Variants in CTNNA3 observed in about 807,000 individuals in gnomAD.
The protein encoded by CTNNA3 is catenin alpha-3.
CTNNA3 carries 76 observed loss-of-function variants against 95.7 expected under a neutral mutation model. That is an observed-to-expected ratio of 0.79 (90% CI 0.66 to 0.96). The LOEUF (loss-of-function observed/expected upper bound fraction) is 0.96. Among genes scored for constraint, CTNNA3 ranks in the 40% least tolerant of loss-of-function variants. The pLI is 0.00. For missense variants in CTNNA3, 1,191 were observed against 1,089.8 expected (o/e 1.09, Z -1.31); for synonymous variants, 431 against 374.4 (o/e 1.15, Z -1.74).
chr10:67,620,045 T>C lies in CTNNA3; in HGVS notation c.100-12996A>G, dbSNP rs372136486. On this transcript the variant is annotated intron_variant, in intron 2 of 17. Coordinates refer to ENST00000433211, the MANE Select transcript of CTNNA3 (RefSeq NM_013266.4). The stretch of plus-strand genomic sequence containing the variant: ...ATGTTGAAAAGCAGTGGGCCTGCCC[T>C]GAGTTCACCATGGTGAAGAGCCAAG... Among the ~76,000 whole-genome samples, 28 of 151,916 alleles carry C rather than the reference T, an allele frequency of 1.8e-4. No homozygotes were observed. The East Asian group carries it at 2.5e-3, about 14-fold the overall frequency.
intron 7 of CTNNA3, among the ~76,000 whole-genome samples, chr10:67,102,569 T>C (rs1453197613): frequency 6.6e-6 from 1 of 151,838 alleles, no homozygotes; most frequent in Non-Finnish European, 1.5e-5. Flanking sequence ...ACTAAGTTTC[T>C]TCCTCCTAGC....
chr10:66,360,015 G>T (rs1377743800), intron 12 of CTNNA3, among the ~76,000 whole-genome samples: 1 of 151,772 alleles, frequency 6.6e-6, no homozygotes, highest in East Asian at 1.9e-4. Flanking sequence ...TTTTAGTAGA[G>T]ACGGGGTTTC....
intron 13 of CTNNA3, among the ~76,000 whole-genome samples, chr10:66,153,181 AT>A: frequency 6.6e-6 from 1 of 151,894 alleles, no homozygotes; most frequent in Non-Finnish European, 1.5e-5. Context: ...CTTTTAAAAT[AT>A]TTTCAATTTC....
intron 3 of CTNNA3, among the ~76,000 whole-genome samples, chr10:67,556,220 T>C (rs955872419): frequency 1.3e-5 from 2 of 152,140 alleles, no homozygotes; most frequent in African/African-American, 4.8e-5. Flanking sequence ...ATCCTCTTTT[T>C]TTGTTGTGTC....
chr10:66,758,814 A>G (rs1448267627), intron 9 of CTNNA3, among the ~76,000 whole-genome samples: 1 of 152,096 alleles, frequency 6.6e-6, no homozygotes, highest in African/African-American at 2.4e-5. Context: ...AGGCACCTGT[A>G]ATCCCAGCTA....
rs570905786 is a variant in CTNNA3, at chr10:67,055,780, A to G, written c.1047+124537T>C. On this transcript the variant is annotated intron_variant, in intron 7 of 17. Coordinates refer to ENST00000433211, the MANE Select transcript of CTNNA3 (RefSeq NM_013266.4). ...GAAAGATGTACCTCAAAGGTTCTTA[A>G]AAGCCATAAGGATATCAGGGGTGTC... 4.6e-5 allele frequency among the ~76,000 whole-genome samples: 7 copies of G among 152,244 alleles called. No homozygotes were observed. In the East Asian group the frequency reaches 9.7e-4, roughly 21 times the overall value.
At chr10:66,048,114 GA>G (rs1050026413) in intron 15 of CTNNA3, among the ~76,000 whole-genome samples, 4 of 151,704 alleles carry the variant, frequency 2.6e-5, no homozygotes, top group African/African-American at 4.8e-5. Flanking sequence ...CACAGAACTA[GA>G]AAAAAAACTA....
Position 67,304,111 on chromosome 10 carries a change from C to A in CTNNA3, c.580-84241G>T, listed in dbSNP as rs556823581. Among the ~76,000 whole-genome samples, 9 of 152,280 alleles carry A rather than the reference C, an allele frequency of 5.9e-5. No homozygotes were observed. In the South Asian group the frequency reaches 1.7e-3, roughly 28 times the overall value. ...ATTGCCTTGATGCTTGAGATGTAAA[C>A]ATATATAATGTGGAGTTGGGCAAAA... On this transcript the variant is annotated intron_variant, in intron 5 of 17. Transcript: ENST00000433211.
chr10:65,922,806 C>G (rs1303254480), intron 17 of CTNNA3, among the ~76,000 whole-genome samples: 2 of 152,118 alleles, frequency 1.3e-5, no homozygotes, highest in Non-Finnish European at 2.9e-5. Flanking sequence ...CTACCCGAGA[C>G]TGGGTTATTT....
At chr10:66,395,716 A>G (rs1371733382) in intron 11 of CTNNA3, among the ~76,000 whole-genome samples, 2 of 152,050 alleles carry the variant, frequency 1.3e-5, no homozygotes, top group Non-Finnish European at 1.5e-5. Flanking sequence ...GTAACCTCTG[A>G]ACAAGATCCC....
intron 5 of CTNNA3, among the ~76,000 whole-genome samples, chr10:67,297,628 A>G (rs539014957): frequency 9.2e-5 from 14 of 152,254 alleles, no homozygotes; most frequent in Non-Finnish European, 1.6e-4. Context: ...GCAGAGAAAT[A>G]GTAGAATCAA....
chr10:67,353,091 G>A (rs1050698880), intron 5 of CTNNA3, among the ~76,000 whole-genome samples: 22 of 151,952 alleles, frequency 1.4e-4, no homozygotes, highest in African/African-American at 4.1e-4. Context: ...TCCTGCTTCC[G>A]CCACTTACTA....
intron 9 of CTNNA3, among the ~76,000 whole-genome samples, chr10:66,711,694 G>A (rs1219124562): frequency 3.9e-5 from 6 of 151,990 alleles, no homozygotes; most frequent in Admixed American, 2.6e-4. Context: ...GATTATAGGC[G>A]TGTGCCACCA....
At position 66,335,612 on chromosome 10, in the gene CTNNA3, C is replaced by T. The variant is rs184238597; in HGVS notation, c.1732+43540G>A. ...GGAAGTTTTGTCCCAGAGGAGTACCCGGCCATGTGAAGTGTCAGTCTGCCC... is the reference window on the plus strand; with the variant it reads ...GGAAGTTTTGTCCCAGAGGAGTACCTGGCCATGTGAAGTGTCAGTCTGCCC... On this transcript the variant is annotated intron_variant, in intron 12 of 17. Transcript: ENST00000433211. Among the ~76,000 whole-genome samples, 8 of 152,010 alleles carry T rather than the reference C, an allele frequency of 5.3e-5. 1 individual carries two copies. The highest frequency in any genetic ancestry group is 2.9e-5 in the Non-Finnish European group (2 of 67,986).
intron 7 of CTNNA3, among the ~76,000 whole-genome samples, chr10:67,125,036 C>A (rs1055050059): frequency 7.9e-5 from 12 of 152,202 alleles, no homozygotes; most frequent in Non-Finnish European, 1.8e-4. Flanking sequence ...GCTGGAACTG[C>A]AGTGCCTCGA....
At chr10:67,669,614 T>C (rs962251673) in intron 1 of CTNNA3, among the ~76,000 whole-genome samples, 1 of 152,138 alleles carries the variant, frequency 6.6e-6, no homozygotes, top group Non-Finnish European at 1.5e-5. Flanking sequence ...CTATGAAGAG[T>C]AATTACTTAT....
intron 11 of CTNNA3, among the ~76,000 whole-genome samples, chr10:66,451,961 T>C (rs189699314): frequency 6.6e-6 from 1 of 152,236 alleles, no homozygotes; most frequent in African/African-American, 2.4e-5. Context: ...CACTCACATC[T>C]CACTCACTCT....
chr10:66,949,220 T>C (rs1334490787), intron 7 of CTNNA3, among the ~76,000 whole-genome samples: 2 of 152,128 alleles, frequency 1.3e-5, no homozygotes, highest in Non-Finnish European at 1.5e-5. Context: ...ACTGAGAAAC[T>C]ATCAGTTGTG....
intron 10 of CTNNA3, among the ~76,000 whole-genome samples, chr10:66,603,425 A>G (rs1844004299): frequency 6.6e-6 from 1 of 152,178 alleles, no homozygotes; most frequent in South Asian, 2.1e-4. Flanking sequence ...AACACTGATG[A>G]AATAAATTGA....
Sources: allele counts gnomAD v4.1 joint callset (sites outside exome capture counted in the v4.1 genomes callset), GRCh38; gene constraint gnomAD v4.1.1; transcripts MANE v1.5; gene names NCBI Gene and HGNC (gene_info 2026-07-23, HGNC 2026-07-21).